Variants in PLD5 observed in about 807,000 individuals in gnomAD.
The protein encoded by PLD5 is inactive phospholipase D5.
In PLD5, 36 loss-of-function variants were observed where a neutral mutation model predicts 61.1. That is an observed-to-expected ratio of 0.59 (90% CI 0.45 to 0.78). The LOEUF (loss-of-function observed/expected upper bound fraction) is 0.78, where lower values mean the gene tolerates loss of function less well. Ranked by LOEUF, PLD5 falls within the 30% of genes least tolerant of loss-of-function variation. The pLI is 0.00. For synonymous variants in PLD5, 243 were observed against 242.8 expected (o/e 1.00, Z -0.01); for missense variants, 515 against 644.4 (o/e 0.80, Z 2.17).
At chr1:242,258,686 G>A (rs1375916293) in intron 4 of PLD5, among the ~76,000 whole-genome samples, 2 of 152,112 alleles carry the variant, frequency 1.3e-5, no homozygotes, top group Non-Finnish European at 2.9e-5. Flanking sequence ...ACAAGATCTG[G>A]TTATTGTCTG....
upstream of PLD5, chr1:242,524,771 A>T (rs1669399135): frequency 6.9e-6 from 1 of 145,836 alleles, no homozygotes; most frequent in Non-Finnish European, 1.5e-5. Flanking sequence ...CGGCTGGCCC[A>T]GCCAGCCCGC....
chr1:242,370,502 G>T (rs926372823), intron 1 of PLD5, among the ~76,000 whole-genome samples: 3 of 152,042 alleles, frequency 2.0e-5, no homozygotes, highest in African/African-American at 7.2e-5. Flanking sequence ...CTGAGCCAGG[G>T]GCCAGGGGAG....
chr1:242,340,123 T>C (rs2149211702), intron 2 of PLD5, among the ~76,000 whole-genome samples: 1 of 152,314 alleles, frequency 6.6e-6, no homozygotes, highest in African/African-American at 2.4e-5. Context: ...TAAAAGGCTC[T>C]AGAGACAGTT....
intron 4 of PLD5, among the ~76,000 whole-genome samples, chr1:242,243,530 T>A (rs1238594078): frequency 6.6e-6 from 1 of 152,206 alleles, no homozygotes; most frequent in African/African-American, 2.4e-5. Context: ...CCATCTTGCC[T>A]GGAAACTCAA....
intron 2 of PLD5, among the ~76,000 whole-genome samples, chr1:242,316,072 A>ATT (rs1676988545): frequency 5.3e-5 from 8 of 152,172 alleles, no homozygotes; most frequent in African/African-American, 1.9e-4. Context: ...CGTGTGGAAA[A>ATT]AGGAGGGGAA....
Position 242,348,219 on chromosome 1 carries a change from G to A in PLD5, c.213C>T (p.Ile71=). 1 of 1,610,658 alleles carries A rather than the reference G, an allele frequency of 6.2e-7. No individual in the cohort carries two copies. Residue 71 remains isoleucine (I), a synonymous_variant, in exon 2 of 10, where the codon ATC becomes ATT. Transcript: ENST00000536534. Reference sequence around the variant, plus strand: ...TGGCAAAGCAGCACACCAGGGCAAAGATCACGATGCACTTCTGCTGGGACT... The same window carrying A: ...TGGCAAAGCAGCACACCAGGGCAAAAATCACGATGCACTTCTGCTGGGACT... ...LEHSQQKCIV[I]FALVCCFAIL...
chr1:242,104,985 C>T (rs910104482), intron 8 of PLD5, among the ~76,000 whole-genome samples: 2 of 152,148 alleles, frequency 1.3e-5, no homozygotes, highest in African/African-American at 4.8e-5. Flanking sequence ...GTCATAACAG[C>T]AACACAACAA....
chr1:242,392,305 A>C (rs181610488), intron 1 of PLD5, among the ~76,000 whole-genome samples: 1 of 152,238 alleles, frequency 6.6e-6, no homozygotes, highest in East Asian at 1.9e-4. Context: ...CTTATGGAGT[A>C]CTACGTTCAC....
intron 1 of PLD5, among the ~76,000 whole-genome samples, chr1:242,409,071 A>AAAAAG (rs200017260): frequency 3.0e-4 from 42 of 140,454 alleles, no homozygotes; most frequent in African/African-American, 5.7e-4. Flanking sequence ...CTCTCAAAAA[A>AAAAAG]AAAAGAAAAG....
At chr1:242,162,009 AAGGCTAGTTATTGCCTATTTGGT>A (rs1256218308) in intron 5 of PLD5, among the ~76,000 whole-genome samples, 6 of 152,284 alleles carry the variant, frequency 3.9e-5, no homozygotes, top group African/African-American at 1.4e-4. Context: ...GCATGTTTCA[AAGGCTAGTTATTGCCTATTTGGT>A]AGGCAACAAA....
At chr1:242,442,735 C>T (rs1572161967) in intron 1 of PLD5, among the ~76,000 whole-genome samples, 1 of 152,272 alleles carries the variant, frequency 6.6e-6, no homozygotes, top group East Asian at 1.9e-4. Context: ...AGAAGAGACG[C>T]AGGGAAAGGA....
chr1:242,349,309 A>C (rs1382964573), intron 1 of PLD5, among the ~76,000 whole-genome samples: 3 of 152,060 alleles, frequency 2.0e-5, no homozygotes, highest in Non-Finnish European at 4.4e-5. Context: ...ATAGATTGTA[A>C]ATGTTTCTTA....
chr1:242,166,681 A>ATAGTT (rs1402384889), intron 5 of PLD5, among the ~76,000 whole-genome samples: 1 of 152,238 alleles, frequency 6.6e-6, no homozygotes, highest in East Asian at 1.9e-4. Flanking sequence ...CATATCACTA[A>ATAGTT]TAGTTATGGA....
At position 242,272,166 on chromosome 1, in the gene PLD5, G is replaced by T. The variant is rs537505666; in HGVS notation, c.496-6718C>A. Among the ~76,000 whole-genome samples the T allele has an allele frequency of 2.2e-4, 34 of 152,156 alleles. 1 individual carries two copies. In the East Asian group the frequency reaches 3.1e-3, roughly 14 times the overall value. ...AGGTGAGCTTTAAGGTATTAGATGG[G>T]AAAAAGTGGGTCATTTTTATGAAAT... On this transcript the variant is annotated intron_variant, in intron 3 of 9. Coordinates refer to ENST00000536534, the MANE Select transcript of PLD5 (RefSeq NM_001372062.1).
chr1:242,241,927 TATAC>T lies in PLD5; in HGVS notation c.608-21816_608-21813del, dbSNP rs1478411886. 7.2e-5 allele frequency among the ~76,000 whole-genome samples: 10 copies of T among 139,278 alleles called. 1 individual carries two copies. The highest frequency in any genetic ancestry group is 2.6e-4 in the African/African-American group (10 of 37,918). 91.4% of individuals were successfully genotyped at this position (139,278 alleles called of 152,430 possible). A position where few individuals can be genotyped will look rare whatever the true frequency, so the allele number is the denominator to read the frequency against. Reference sequence around the variant, plus strand: ...TATATATATACTTACTGTATATATATATACGCTTATATATATATACTACTTATAT... The same window carrying T: ...TATATATATACTTACTGTATATATATGCTTATATATATATACTACTTATAT... On this transcript the variant is annotated intron_variant, in intron 4 of 9. Transcript: ENST00000536534.
chr1:242,177,666 G>A (rs941981426), intron 5 of PLD5: 4 of 152,070 alleles, frequency 2.6e-5, no homozygotes, highest in Non-Finnish European at 5.9e-5. Context: ...TTTCAGACTG[G>A]CAACTCTTGA....
chr1:242,151,557 A>G (rs1558276354), intron 5 of PLD5, among the ~76,000 whole-genome samples: 7 of 151,918 alleles, frequency 4.6e-5, no homozygotes, highest in Admixed American at 4.6e-4. Flanking sequence ...TATGTAATAT[A>G]TTTTTTCAGT....
intron 1 of PLD5, among the ~76,000 whole-genome samples, chr1:242,489,203 G>A (rs1336994713): frequency 6.6e-6 from 1 of 152,124 alleles, no homozygotes; most frequent in Non-Finnish European, 1.5e-5. Context: ...AGAGAGCTGG[G>A]AAAGGGTTTT....
intron 1 of PLD5, among the ~76,000 whole-genome samples, chr1:242,401,458 T>C (rs1663929515): frequency 6.6e-6 from 1 of 152,066 alleles, no homozygotes; most frequent in Non-Finnish European, 1.5e-5. Flanking sequence ...TACTTGGGAT[T>C]AAACACAGAA....
Sources: allele counts gnomAD v4.1 joint callset (sites outside exome capture counted in the v4.1 genomes callset), GRCh38; gene constraint gnomAD v4.1.1; transcripts MANE v1.5; gene names NCBI Gene and HGNC (gene_info 2026-07-23, HGNC 2026-07-21).